DLC1: variants seen among roughly 807,000 people sequenced by gnomAD.
The protein encoded by DLC1 is DLC1 Rho GTPase activating protein, also known as rho GTPase-activating protein 7.
In DLC1, 54 loss-of-function variants were observed where a neutral mutation model predicts 140.3. That is an observed-to-expected ratio of 0.38 (90% confidence interval 0.31 to 0.48). The LOEUF (loss-of-function observed/expected upper bound fraction) is 0.48, where lower values mean the gene tolerates loss of function less well. Among genes scored for constraint, DLC1 ranks in the 20% least tolerant of loss-of-function variants. DLC1 has a pLI of 0.96. For synonymous variants in DLC1, 986 were observed against 728.1 expected, an observed-to-expected ratio of 1.35 and a Z score of -5.70; for missense variants, 2,536 against 1,907.0, an observed-to-expected ratio of 1.33 and a Z score of -6.14.
At chr8:13,510,474 A>G (rs1802310642) in intron 1 of DLC1, among the ~76,000 whole-genome samples, 2 of 152,152 alleles carry the variant, frequency 1.3e-5, no homozygotes, top group South Asian at 4.1e-4. Flanking sequence ...GCCTTTTTAA[A>G]CAAGGACTTG....
chr8:13,182,707 TGTTTTG>T (rs1358822331), intron 5 of DLC1, among the ~76,000 whole-genome samples: 1 of 152,222 alleles, frequency 6.6e-6, no homozygotes, highest in Non-Finnish European at 1.5e-5. Flanking sequence ...AGTACCATGC[TGTTTTG>T]GTTACTGTAG....
chr8:13,476,802 T>C (rs1362826312), intron 2 of DLC1, among the ~76,000 whole-genome samples: 1 of 152,246 alleles, frequency 6.6e-6, no homozygotes, highest in African/African-American at 2.4e-5. Flanking sequence ...AGTGATTGAA[T>C]TAACACATGT....
chr8:13,380,748 AG>A (rs1836213369), intron 4 of DLC1, among the ~76,000 whole-genome samples: 2 of 152,210 alleles, frequency 1.3e-5, no homozygotes, highest in African/African-American at 4.8e-5. Context: ...CCAAACCCTA[AG>A]GGGACAAATT....
intron 2 of DLC1, among the ~76,000 whole-genome samples, chr8:13,413,435 A>G (rs1837894595): frequency 6.6e-6 from 1 of 151,788 alleles, no homozygotes; most frequent in South Asian, 2.1e-4. Flanking sequence ...ACACACACAC[A>G]TACACGAGCA....
intron 5 of DLC1, among the ~76,000 whole-genome samples, chr8:13,275,828 G>T (rs1336460738): frequency 1.3e-5 from 2 of 152,078 alleles, no homozygotes; most frequent in African/African-American, 4.8e-5. Flanking sequence ...GACCTGCCAG[G>T]CCCCTCTCCT....
intron 1 of DLC1, among the ~76,000 whole-genome samples, chr8:13,508,714 G>A (rs577408969): frequency 6.8e-4 from 103 of 152,144 alleles, no homozygotes; most frequent in Middle Eastern, 6.9e-3. Context: ...CACCACGCCC[G>A]GCCAGATGTA....
chr8:13,485,138 CT>C (rs1224155757), intron 2 of DLC1, among the ~76,000 whole-genome samples: 1 of 152,086 alleles, frequency 6.6e-6, no homozygotes, highest in African/African-American at 2.4e-5. Flanking sequence ...TTCGTAGCTC[CT>C]TTATACTTTC....
intron 1 of DLC1, among the ~76,000 whole-genome samples, chr8:13,501,386 A>G (rs1410256162): frequency 6.6e-6 from 1 of 152,216 alleles, no homozygotes; most frequent in Admixed American, 6.5e-5. Context: ...ATTTTGCCCC[A>G]CAATGAAACT....
chr8:13,435,614 A>C (rs1275267914), intron 2 of DLC1, among the ~76,000 whole-genome samples: 1 of 152,190 alleles, frequency 6.6e-6, no homozygotes, highest in East Asian at 1.9e-4. Context: ...GTGCCCAGCG[A>C]GGAGTTGTTT....
intron 16 of DLC1, among the ~76,000 whole-genome samples, chr8:13,086,921 G>C (rs1448312460): frequency 6.6e-6 from 1 of 152,050 alleles, no homozygotes; most frequent in Non-Finnish European, 1.5e-5. Flanking sequence ...GCTACTCCGG[G>C]GGCTGAGATG....
intron 2 of DLC1, among the ~76,000 whole-genome samples, chr8:13,440,714 C>T (rs1448826090): frequency 2.0e-5 from 3 of 152,012 alleles, no homozygotes; most frequent in East Asian, 1.9e-4. Context: ...TGAATCATGG[C>T]GGACAGTCTT....
rs374973335 is a variant in DLC1 at position 13,356,786 on chromosome 8, C to T, written c.1314+36767G>A. Reference sequence around the variant, plus strand: ...CATCAATAACAGGAATTGGGGTCTCCGTACTTCCTGATCAATGCTGTTTCT... The same window carrying T: ...CATCAATAACAGGAATTGGGGTCTCTGTACTTCCTGATCAATGCTGTTTCT... On this transcript the variant is annotated intron_variant, in intron 4 of 17. Transcript: ENST00000276297. 3.1e-4 allele frequency among the ~76,000 whole-genome samples: 47 copies of T among 152,200 alleles called. 1 individual carries two copies. Among genetic ancestry groups the T allele is most frequent in the African/African-American group, 9.1e-4 (38 of 41,540 alleles).
At chr8:13,309,423 C>G (rs1372753640) in intron 4 of DLC1, among the ~76,000 whole-genome samples, 3 of 152,074 alleles carry the variant, frequency 2.0e-5, no homozygotes, top group African/African-American at 7.2e-5. Flanking sequence ...AATAGTTCTC[C>G]ACATGTAAAG....
chr8:13,149,191 A>C (rs2128976131), intron 5 of DLC1, among the ~76,000 whole-genome samples: 1 of 152,294 alleles, frequency 6.6e-6, no homozygotes, highest in South Asian at 2.1e-4. Context: ...AGCTTAACTC[A>C]AGTAAACTTT....
chr8:13,371,433 G>A (rs1042660342), intron 4 of DLC1, among the ~76,000 whole-genome samples: 8 of 152,112 alleles, frequency 5.3e-5, no homozygotes, highest in Non-Finnish European at 1.0e-4. Flanking sequence ...CTTTGTCACA[G>A]TGTAGGAGAT....
chr8:13,265,715 C>T (rs562241777), intron 5 of DLC1, among the ~76,000 whole-genome samples: 1 of 151,542 alleles, frequency 6.6e-6, no homozygotes, highest in East Asian at 1.9e-4. Flanking sequence ...CTCCTCTTCT[C>T]TCCCCTCTCC....
intron 5 of DLC1, among the ~76,000 whole-genome samples, chr8:13,220,787 A>C (rs1828506298): frequency 6.6e-6 from 1 of 152,198 alleles, no homozygotes; most frequent in Non-Finnish European, 1.5e-5. Flanking sequence ...GATTTATTAC[A>C]GCATCAAAGT....
At chr8:13,597,245 G>A (rs1805712103) in intron 1 of DLC1, among the ~76,000 whole-genome samples, 1 of 151,956 alleles carries the variant, frequency 6.6e-6, no homozygotes. Context: ...AGATTTGTCA[G>A]CTTATATCTC....
In DLC1 at chr8:13,088,655, G is replaced by A. The variant is rs776594367; in HGVS notation, c.4124C>T (p.Pro1375Leu). The change falls in exon 16 of 18, where the codon CCT becomes CTT. Residue 1375 changes from proline (P) to leucine (L), a missense_variant. By Grantham distance (98) the Pro-to-Leu change is moderately conservative (BLOSUM62 -3). Transcript: ENST00000276297. ...CTTTAAGATTTCCTCTGGCACAGCA[G>A]GGACTTCAATGACTGACCTCCAAAG... Reference protein sequence around the residue: ...LRLWRSVIEVPAVPEEILKRL... With the variant: ...LRLWRSVIEVLAVPEEILKRL... 3 of 1,614,136 alleles carry A rather than the reference G, an allele frequency of 1.9e-6. No individual in the cohort carries two copies. Among genetic ancestry groups the A allele is most frequent in the Non-Finnish European group, 2.5e-6 (3 of 1,180,034 alleles).
Sources: allele counts gnomAD v4.1 joint callset (sites outside exome capture counted in the v4.1 genomes callset), GRCh38; gene constraint gnomAD v4.1.1; transcripts MANE v1.5; gene names NCBI Gene and HGNC (gene_info 2026-07-23, HGNC 2026-07-21).